DCAF6: variants seen among roughly 807,000 people sequenced by gnomAD.
DCAF6 encodes the protein DDB1 and CUL4 associated factor 6, also known as DDB1- and CUL4-associated factor 6.
In DCAF6, 54 loss-of-function variants were observed where a neutral mutation model predicts 125.1. The ratio of observed to expected loss-of-function variants is 0.43; its 90% confidence interval spans 0.35 to 0.54. The LOEUF (loss-of-function observed/expected upper bound fraction) is 0.54. Among genes scored for constraint, DCAF6 ranks in the 20% least tolerant of loss-of-function variants. The probability of loss-of-function intolerance (pLI) is 0.01; values close to 1 mark genes in which losing one functional copy is unlikely to be tolerated. For missense variants in DCAF6, 934 were observed against 1,161.7 expected, an observed-to-expected ratio of 0.80 and a Z score of 2.85; for synonymous variants, 371 against 390.4, an observed-to-expected ratio of 0.95 and a Z score of 0.58.
intron 21 of DCAF6, among the ~76,000 whole-genome samples, chr1:168,073,015 A>G (rs1164174950): frequency 1.3e-5 from 2 of 152,156 alleles, no homozygotes; most frequent in Non-Finnish European, 2.9e-5. Flanking sequence ...ATCTCTACTA[A>G]AAACAAAAAA....
At chr1:168,072,184 C>A (rs1464425978) in intron 21 of DCAF6, among the ~76,000 whole-genome samples, 1 of 149,950 alleles carries the variant, frequency 6.7e-6, no homozygotes, top group Admixed American at 6.7e-5. Flanking sequence ...GTAGTCCCAG[C>A]TACTTGGGAG....
chr1:167,930,378 A>ATC, the DCAF6 span, among the ~76,000 whole-genome samples: 1 of 152,216 alleles, frequency 6.6e-6, no homozygotes, highest in Non-Finnish European at 1.5e-5. Flanking sequence ...TGTTGAAATC[A>ATC]TCTACTGTAG....
intron 13 of DCAF6, among the ~76,000 whole-genome samples, chr1:168,040,196 G>T (rs1688349042): frequency 6.6e-6 from 1 of 151,874 alleles, no homozygotes. Context: ...AGCATTTGGG[G>T]CAGAGAGAAA....
rs148778863 is a variant in DCAF6, at chr1:167,950,980, A to G, written c.98-820A>G. On this transcript the variant is annotated intron_variant, in intron 1 of 21. Transcript: ENST00000367840. The stretch of plus-strand genomic sequence containing the variant: ...TGCTTAAAAATAGTTGGTACTTACT[A>G]TTGCTGTTTGCCATCCTATTTAAAA... Among the ~76,000 whole-genome samples, 523 of 152,282 alleles carry G rather than the reference A, an allele frequency of 3.4e-3. 3 individuals carry two copies. Among genetic ancestry groups the G allele is most frequent in the African/African-American group, 0.012 (497 of 41,562 alleles).
intron 2 of DCAF6, among the ~76,000 whole-genome samples, chr1:167,955,860 A>G (rs1221225434): frequency 6.6e-6 from 1 of 152,160 alleles, no homozygotes; most frequent in Non-Finnish European, 1.5e-5. Flanking sequence ...TCCTGGGCTC[A>G]AGCTATCTTC....
At chr1:167,926,782 T>G in the DCAF6 span, among the ~76,000 whole-genome samples, 1 of 152,224 alleles carries the variant, frequency 6.6e-6, no homozygotes, top group Admixed American at 6.5e-5. Context: ...ACTAGTTTCA[T>G]GCTATTTTAT....
intron 1 of DCAF6, among the ~76,000 whole-genome samples, chr1:167,939,056 C>G (rs1571556134): frequency 6.6e-6 from 1 of 152,124 alleles, no homozygotes; most frequent in South Asian, 2.1e-4. Context: ...AAGTGGTTTT[C>G]TAAGTACTTG....
At chr1:167,960,022 A>G (rs1183733278) in intron 2 of DCAF6, among the ~76,000 whole-genome samples, 1 of 151,962 alleles carries the variant, frequency 6.6e-6, no homozygotes, top group African/African-American at 2.4e-5. Flanking sequence ...TCTATTTTGA[A>G]TTAATTTTTG....
At chr1:167,888,131 G>C in the DCAF6 span, among the ~76,000 whole-genome samples, 1 of 152,110 alleles carries the variant, frequency 6.6e-6, no homozygotes, top group Non-Finnish European at 1.5e-5. Flanking sequence ...TGTTCCACTG[G>C]TCTATGTGTC....
At chr1:167,979,602 C>G (rs1232834165) in intron 4 of DCAF6, among the ~76,000 whole-genome samples, 1 of 151,992 alleles carries the variant, frequency 6.6e-6, no homozygotes, top group Non-Finnish European at 1.5e-5. Context: ...ATTCATTTAT[C>G]TAGGCTGTGT....
the DCAF6 span, among the ~76,000 whole-genome samples, chr1:167,877,760 T>A: frequency 1.3e-4 from 20 of 152,230 alleles, no homozygotes; most frequent in African/African-American, 4.3e-4. Context: ...GATGGGGAAT[T>A]CATAGAGGAA....
chr1:167,986,154 A>G (rs1256382743), intron 4 of DCAF6, among the ~76,000 whole-genome samples: 2 of 152,234 alleles, frequency 1.3e-5, no homozygotes, highest in East Asian at 1.9e-4. Flanking sequence ...TTTGGCTAAT[A>G]TAAATAGTGC....
the DCAF6 span, among the ~76,000 whole-genome samples, chr1:167,874,396 A>G: frequency 6.6e-6 from 1 of 152,164 alleles, no homozygotes; most frequent in African/African-American, 2.4e-5. Flanking sequence ...GCTCAACCAC[A>G]TCAGGGAAAT....
intron 10 of DCAF6, among the ~76,000 whole-genome samples, chr1:168,010,571 GA>G (rs1469872960): frequency 6.6e-6 from 1 of 151,862 alleles, no homozygotes; most frequent in African/African-American, 2.4e-5. Flanking sequence ...ACCTCGCCCA[GA>G]ATTTGAAGAT....
intron 4 of DCAF6, among the ~76,000 whole-genome samples, chr1:167,976,110 C>T (rs1436531297): frequency 6.6e-6 from 1 of 151,990 alleles, no homozygotes; most frequent in African/African-American, 2.4e-5. Flanking sequence ...TTGTTTCTAT[C>T]CCTTTGTTTT....
intron 10 of DCAF6, 77 bp from the exon 11 acceptor site, chr1:168,015,704 T>A: frequency 7.9e-7 from 1 of 1,265,050 alleles, no homozygotes; most frequent in Non-Finnish European, 1.0e-6. Context: ...CCTTCTTCTT[T>A]TTTAATGTAT....
the DCAF6 span, among the ~76,000 whole-genome samples, chr1:167,864,491 G>A: frequency 6.6e-5 from 10 of 152,224 alleles, no homozygotes; most frequent in East Asian, 1.9e-4. Flanking sequence ...GTTTCTGTAC[G>A]TAGACAATTA....
In DCAF6 at chr1:167,978,515, G is replaced by A. The variant is rs540863599; in HGVS notation, c.438+3500G>A. On this transcript the variant is annotated intron_variant, in intron 4 of 21. Coordinates refer to ENST00000367840, the MANE Select transcript of DCAF6 (RefSeq NM_001198956.2). The stretch of plus-strand genomic sequence containing the variant: ...TATTTGGATGTATTCTTAATGAAAT[G>A]TGTAGTCAAATCTCTTGCCTATTTT... Among the ~76,000 whole-genome samples the A allele has an allele frequency of 2.6e-5, 4 of 152,286 alleles. No homozygotes were observed. The South Asian group carries it at 6.2e-4, about 24-fold the overall frequency.
intron 13 of DCAF6, among the ~76,000 whole-genome samples, chr1:168,041,076 T>A (rs1688469045): frequency 6.6e-6 from 1 of 151,972 alleles, no homozygotes; most frequent in South Asian, 2.1e-4. Context: ...GTTTTCTCCC[T>A]TGAAAACGGG....
Sources: gnomAD v4.1 joint callset for allele counts (sites outside exome capture counted in the v4.1 genomes callset) on GRCh38, gnomAD v4.1.1 for gene constraint, MANE v1.5 for transcripts, NCBI Gene and HGNC (gene_info 2026-07-23, HGNC 2026-07-21) for gene names.